Variants in UBL3 observed in about 807,000 individuals in gnomAD.
UBL3 encodes the protein ubiquitin like 3.
In UBL3, 6 loss-of-function variants were observed where a neutral mutation model predicts 18.4. The observed-to-expected ratio is 0.33, with a 90% CI of 0.18 to 0.64. The LOEUF is 0.64. UBL3 is among the 30% of genes least tolerant of loss of function. UBL3 has a pLI of 0.76. For synonymous variants in UBL3, 49 were observed against 46.6 expected, an observed-to-expected ratio of 1.05 and a Z score of -0.21; for missense variants, 109 against 142.9, an observed-to-expected ratio of 0.76 and a Z score of 1.21.
chr13:29,815,830 T>C (rs1223657298), intron 1 of UBL3, among the ~76,000 whole-genome samples: 1 of 152,198 alleles, frequency 6.6e-6, no homozygotes, highest in East Asian at 1.9e-4. Flanking sequence ...ACTGAACTCA[T>C]ACAGGTCTAT....
At position 29,786,318 on chromosome 13, in the gene UBL3, C is replaced by T. The variant is rs567477511; in HGVS notation, c.28-9055G>A. Among the ~76,000 whole-genome samples, 4 of 152,346 alleles carry T rather than the reference C, an allele frequency of 2.6e-5. No individual in the cohort carries two copies. In the South Asian group the frequency reaches 8.3e-4, roughly 32 times the overall value. On this transcript the variant is annotated intron_variant, in intron 1 of 4. Coordinates refer to ENST00000380680, the MANE Select transcript of UBL3 (RefSeq NM_007106.4). ...GTCTTTCAGTCAAAACTGTTAATTT[C>T]TTACTTGCCCCAAGGCCTTTACACA... is the stretch of plus-strand genomic sequence containing the variant.
chr13:29,782,034 C>A (rs971957946), intron 1 of UBL3, among the ~76,000 whole-genome samples: 6 of 151,188 alleles, frequency 4.0e-5, no homozygotes, highest in Non-Finnish European at 8.9e-5. Context: ...CATAAATCAA[C>A]AAAGCCTACT....
At chr13:29,841,916 C>A (rs1336417777) in intron 1 of UBL3, among the ~76,000 whole-genome samples, 1 of 152,132 alleles carries the variant, frequency 6.6e-6, no homozygotes, top group Non-Finnish European at 1.5e-5. Flanking sequence ...GGCCACACTG[C>A]AGCTCCAAAA....
chr13:29,824,247 G>A (rs1347357330), intron 1 of UBL3, among the ~76,000 whole-genome samples: 4 of 152,130 alleles, frequency 2.6e-5, no homozygotes, highest in African/African-American at 9.7e-5. Context: ...TGGGTCAAAT[G>A]GTATTTCTAG....
chr13:29,844,899 T>C (rs772405741), intron 1 of UBL3, among the ~76,000 whole-genome samples: 3 of 151,310 alleles, frequency 2.0e-5, no homozygotes, highest in Non-Finnish European at 4.4e-5. Flanking sequence ...GCAGACATTA[T>C]AGACTTCATA....
chr13:29,787,293 ATAGT>A (rs1215401602), intron 1 of UBL3, among the ~76,000 whole-genome samples: 1 of 152,186 alleles, frequency 6.6e-6, no homozygotes, highest in Non-Finnish European at 1.5e-5. Context: ...TAAGTCCCTA[ATAGT>A]TAGATATTAT....
chr13:29,833,941 A>G (rs1470696553), intron 1 of UBL3, among the ~76,000 whole-genome samples: 2 of 152,160 alleles, frequency 1.3e-5, no homozygotes, highest in Non-Finnish European at 2.9e-5. Context: ...TAATCTCAGC[A>G]CTTTGGGAGG....
chr13:29,789,701 T>G (rs1877432734), intron 1 of UBL3, among the ~76,000 whole-genome samples: 1 of 152,278 alleles, frequency 6.6e-6, no homozygotes, highest in South Asian at 2.1e-4. Context: ...ATTTGCTTTT[T>G]TTCAAATATG....
chr13:29,849,059 T>C (rs1031575533), intron 1 of UBL3, among the ~76,000 whole-genome samples: 1 of 152,246 alleles, frequency 6.6e-6, no homozygotes, highest in Non-Finnish European at 1.5e-5. Flanking sequence ...TGTGCATCCC[T>C]GTTCTTGAAA....
intron 1 of UBL3, among the ~76,000 whole-genome samples, chr13:29,831,584 G>A (rs1472024697): frequency 1.5e-4 from 21 of 135,614 alleles, no homozygotes; most frequent in Non-Finnish European, 2.8e-4. Context: ...GCAAAACTCC[G>A]TCTCAAAAGA....
At chr13:29,820,043 A>G (rs1192431759) in intron 1 of UBL3, among the ~76,000 whole-genome samples, 1 of 152,152 alleles carries the variant, frequency 6.6e-6, no homozygotes, top group Non-Finnish European at 1.5e-5. Context: ...TTATTCCAAC[A>G]TATGGCTTTT....
chr13:29,816,330 T>C (rs1016878637), intron 1 of UBL3, among the ~76,000 whole-genome samples: 1 of 152,160 alleles, frequency 6.6e-6, no homozygotes, highest in Non-Finnish European at 1.5e-5. Flanking sequence ...GAATTTACTT[T>C]TAGAACCAAG....
rs956110638 is a variant in UBL3, at chr13:29,806,168, C to T, written c.28-28905G>A. 4.6e-5 allele frequency among the ~76,000 whole-genome samples: 7 copies of T among 152,254 alleles called. No homozygotes were observed. In the East Asian group the frequency reaches 5.8e-4, roughly 13 times the overall value. ...CTCCAGCCTGGGTGACAGATCAACA[C>T]GCTGTCTCAAAACCAAAAAACAAAA... On this transcript the variant is annotated intron_variant, in intron 1 of 4. Transcript: ENST00000380680.
intron 2 of UBL3, among the ~76,000 whole-genome samples, chr13:29,775,853 G>A (rs1164804829): frequency 1.3e-5 from 2 of 152,078 alleles, no homozygotes; most frequent in Admixed American, 6.5e-5. Flanking sequence ...TTGACCTCAA[G>A]TGATCTGCCT....
intron 1 of UBL3, among the ~76,000 whole-genome samples, chr13:29,782,508 T>A (rs568962446): frequency 2.6e-5 from 4 of 152,314 alleles, no homozygotes; most frequent in African/African-American, 9.6e-5. Context: ...TTAAAAAATA[T>A]TATTTTAATG....
chr13:29,766,468 T>C lies in UBL3; in HGVS notation c.*787A>G, dbSNP rs1876684281. On this transcript the variant is annotated 3_prime_UTR_variant, in exon 5 of 5. Transcript: ENST00000380680. ...ATTTCTGCACAATAATGAAAGCCGA[T>C]GAGTGACTGAAACTACCCTCCCACA... 1 of 152,570 alleles carries C rather than the reference T, an allele frequency of 6.6e-6. No homozygotes were observed. Among genetic ancestry groups the C allele is most frequent in the African/African-American group, 2.4e-5 (1 of 41,426 alleles). The allele number at this position is 152,570 out of a possible 1,614,324, so 9.5% of individuals were successfully genotyped here. A position where few individuals can be genotyped will look rare whatever the true frequency, so the allele number is the denominator to read the frequency against.
chr13:29,814,121 A>C (rs142931879), intron 1 of UBL3, among the ~76,000 whole-genome samples: 95 of 152,220 alleles, frequency 6.2e-4, no homozygotes, highest in Middle Eastern at 3.4e-3. Context: ...TCTAATTTAG[A>C]ATCTTTCTTT....
At chr13:29,793,883 C>T (rs1565993219) in intron 1 of UBL3, among the ~76,000 whole-genome samples, 3 of 152,100 alleles carry the variant, frequency 2.0e-5, no homozygotes, top group African/African-American at 7.2e-5. Flanking sequence ...CTTGCTTTGT[C>T]GCCCAGGCTA....
intron 1 of UBL3, among the ~76,000 whole-genome samples, chr13:29,788,268 T>G (rs1473907520): frequency 2.6e-5 from 4 of 152,218 alleles, no homozygotes; most frequent in Non-Finnish European, 5.9e-5. Context: ...GCTCCTTTGT[T>G]GTGTCAATTC....
Sources: gnomAD v4.1 joint callset for allele counts (sites outside exome capture counted in the v4.1 genomes callset) on GRCh38, gnomAD v4.1.1 for gene constraint, MANE v1.5 for transcripts, NCBI Gene and HGNC (gene_info 2026-07-23, HGNC 2026-07-21) for gene names.